The following EVC2 variants were observed in gnomAD, a reference collection of about 807,000 sequenced individuals.
The protein encoded by EVC2 is EvC ciliary complex subunit 2, also known as limbin.
Under a neutral mutation model 149.3 loss-of-function variants are expected in EVC2, and 148 were observed. The ratio of observed to expected loss-of-function variants is 0.99; its 90% CI spans 0.87 to 1.14. The LOEUF is 1.14. Among genes scored for constraint, EVC2 ranks in the 50% most tolerant of loss-of-function variants. EVC2 has a pLI of 0.00. For missense variants in EVC2, 1,854 were observed against 1,627.3 expected, an observed-to-expected ratio of 1.14 and a Z score of -2.40; for synonymous variants, 776 against 649.9, an observed-to-expected ratio of 1.19 and a Z score of -2.95.
At chr4:5,685,596 C>T (rs1450785383) in intron 5 of EVC2, 117 bp from the exon 6 acceptor site, 7 of 789,222 alleles carry the variant, frequency 8.9e-6, no homozygotes, top group East Asian at 2.6e-5. Flanking sequence ...GGGAGGCCAC[C>T]ATGGCAGTGA....
At chr4:5,568,382 A>T in intron 20 of EVC2, 62 bp downstream of exon 20, 1 of 1,477,768 alleles carries the variant, frequency 6.8e-7, no homozygotes. Context: ...GACCTTGAGG[A>T]CTCATGGGGA....
In EVC2 at chr4:5,640,739, G is replaced by C. The variant is rs747208576; in HGVS notation, c.1245C>G (p.Thr415=). 3.1e-6 allele frequency: 5 copies of C among 1,614,122 alleles called. No homozygotes were observed. Among genetic ancestry groups the C allele is most frequent in the Non-Finnish European group, 4.2e-6 (5 of 1,180,024 alleles). The change falls in exon 10 of 22, where the codon ACC becomes ACG. Residue 415 remains threonine (T), a synonymous_variant. Transcript: ENST00000344408. The surrounding 1 kb of genome is among the most constrained non-coding windows in gnomAD (Gnocchi z 4.6). ...DIIALLLKNL[T]SSGHLSPQVE... ...CTTGGGGTGAGAGGTGGCCACTGCT[G>C]GTGAGATTTTTCAGCAGAAGGGCAA...
intron 7 of EVC2, among the ~76,000 whole-genome samples, chr4:5,673,704 A>C (rs1719813708): frequency 6.6e-6 from 1 of 152,230 alleles, no homozygotes; most frequent in Non-Finnish European, 1.5e-5. Context: ...GATGCTGGAT[A>C]AACAGGCCTT....
In EVC2 at chr4:5,670,031, G is replaced by A. The variant is rs1212692558; in HGVS notation, c.871-4382C>T. Among the ~76,000 whole-genome samples, 1 of 152,110 alleles carries A rather than the reference G, an allele frequency of 6.6e-6. No homozygotes were observed. The highest frequency in any genetic ancestry group is 1.5e-5 in the Non-Finnish European group (1 of 68,016). On this transcript the variant is annotated intron_variant, in intron 7 of 21. Coordinates refer to ENST00000344408, the MANE Select transcript of EVC2 (RefSeq NM_147127.5). The surrounding 1 kb of genome is among the most constrained non-coding windows in gnomAD (Gnocchi z 5.2). Reference sequence around the variant, plus strand: ...TGACCCTCATTTTCTTCATTTATCTGTGTTGTTAAATTATGCTAGGTCCTG... The same window carrying A: ...TGACCCTCATTTTCTTCATTTATCTATGTTGTTAAATTATGCTAGGTCCTG...
chr4:5,665,483 C>T (rs758765238), intron 8 of EVC2, 32 bp downstream of exon 8: 10 of 1,613,738 alleles, frequency 6.2e-6, no homozygotes, highest in Non-Finnish European at 8.5e-6. Context: ...TCACATTCAC[C>T]ACCTTCCAAA....
chr4:5,650,660 G>GAGAGAGAA (rs1353097556), intron 9 of EVC2, among the ~76,000 whole-genome samples: 1 of 143,278 alleles, frequency 7.0e-6, no homozygotes, highest in Non-Finnish European at 1.5e-5. Flanking sequence ...GAGAGAGAGA[G>GAGAGAGAA]AGAGAGAGAG....
intron 9 of EVC2, among the ~76,000 whole-genome samples, chr4:5,653,627 T>C (rs796644415): frequency 6.6e-6 from 1 of 152,358 alleles, no homozygotes; most frequent in African/African-American, 2.4e-5. Context: ...CTGAACAGAC[T>C]GTGAACTTTA....
At chr4:5,542,341 G>C (rs538281155), downstream of EVC2, among the ~76,000 whole-genome samples, 18 of 152,336 alleles carry the variant, frequency 1.2e-4, no homozygotes, top group African/African-American at 4.3e-4. Flanking sequence ...TGTGGTCCCA[G>C]CTACTCAGGA....
intron 1 of EVC2, among the ~76,000 whole-genome samples, chr4:5,698,391 T>C (rs182681156): frequency 1.3e-5 from 2 of 152,262 alleles, no homozygotes; most frequent in African/African-American, 2.4e-5. Flanking sequence ...GAACCATTTA[T>C]TCACTGTGTG....
At chr4:5,654,731 G>T (rs572386820) in intron 9 of EVC2, among the ~76,000 whole-genome samples, 1 of 152,330 alleles carries the variant, frequency 6.6e-6, no homozygotes, top group African/African-American at 2.4e-5. Context: ...GTCCAGGGGT[G>T]TAAGGACACA....
chr4:5,596,438 G>C (rs1391310632), intron 16 of EVC2, among the ~76,000 whole-genome samples: 1 of 152,052 alleles, frequency 6.6e-6, no homozygotes. Context: ...CTCAACTACA[G>C]GGAAACTGAA....
At chr4:5,656,083 T>C (rs1241768137) in intron 9 of EVC2, among the ~76,000 whole-genome samples, 2 of 152,164 alleles carry the variant, frequency 1.3e-5, no homozygotes, top group Non-Finnish European at 2.9e-5. Flanking sequence ...TCTTCCCTCT[T>C]TGTGAGTCTC....
rs1715093075 is a variant in EVC2, at chr4:5,614,562, C to T, written c.2829+860G>A. Among the ~76,000 whole-genome samples, 1 of 152,134 alleles carries T rather than the reference C, an allele frequency of 6.6e-6. No individual in the cohort carries two copies. The highest frequency in any genetic ancestry group is 6.5e-5 in the Admixed American group (1 of 15,278). Reference sequence around the variant, plus strand: ...CAAGAGCTGAGGGAACACCTCAGGACAGCAAGGACACAAGTTATTTATCCA... The same window carrying T: ...CAAGAGCTGAGGGAACACCTCAGGATAGCAAGGACACAAGTTATTTATCCA... On this transcript the variant is annotated intron_variant, in intron 16 of 21. Coordinates refer to ENST00000344408, the MANE Select transcript of EVC2 (RefSeq NM_147127.5). The surrounding 1 kb of genome is among the most constrained non-coding windows in gnomAD (Gnocchi z 4.7).
At chr4:5,568,147 G>A (rs932411734) in intron 20 of EVC2, among the ~76,000 whole-genome samples, 11 of 152,122 alleles carry the variant, frequency 7.2e-5, no homozygotes, top group Non-Finnish European at 1.3e-4. Context: ...ACATTCTGGA[G>A]GAAGAAATGT....
At chr4:5,642,096 CT>C (rs1381947807) in intron 9 of EVC2, among the ~76,000 whole-genome samples, 45 of 152,088 alleles carry the variant, frequency 3.0e-4, no homozygotes, top group Admixed American at 1.1e-3. Flanking sequence ...ATCCATGTCC[CT>C]GCAAAGCATA....
In EVC2 at chr4:5,584,725, GT is replaced by G. The variant is rs2108788549; in HGVS notation, c.2954del (p.Tyr985SerfsTer15). The stretch of plus-strand genomic sequence containing the variant: ...AGTCCTGGATGCTGAGGAGGGCGGT[GT>G]AGGCCGACAGAGTCTCGGTCACCCG... ...ASRVTETLSA[Y>X]TALLSIQDLL... is the part of the protein sequence containing the mutation. On this transcript the variant is annotated frameshift_variant, in exon 17 of 22. Coordinates refer to ENST00000344408, the MANE Select transcript of EVC2 (RefSeq NM_147127.5). LOFTEE classifies it high-confidence loss of function. 2 of 1,614,190 alleles carry G rather than the reference GT, an allele frequency of 1.2e-6. No individual in the cohort carries two copies. The highest frequency in any genetic ancestry group is 1.7e-6 in the Non-Finnish European group (2 of 1,180,034).
downstream of EVC2, among the ~76,000 whole-genome samples, chr4:5,557,731 G>A (rs1027538613): frequency 6.6e-6 from 1 of 151,988 alleles, no homozygotes; most frequent in South Asian, 2.1e-4. Flanking sequence ...CAGGATACAA[G>A]GTTAATATTC....
intron 16 of EVC2, among the ~76,000 whole-genome samples, chr4:5,609,833 G>T (rs985609525): frequency 6.6e-6 from 1 of 152,184 alleles, no homozygotes; most frequent in South Asian, 2.1e-4. Context: ...TCTGCTTCCC[G>T]TGCTGGGTCT....
intron 9 of EVC2, among the ~76,000 whole-genome samples, chr4:5,659,110 G>C (rs1020649964): frequency 3.3e-5 from 5 of 152,188 alleles, no homozygotes; most frequent in African/African-American, 1.2e-4. Flanking sequence ...AATGCTCTTT[G>C]TCAAAAATAA....
Sources: allele counts gnomAD v4.1 joint callset (sites outside exome capture counted in the v4.1 genomes callset), GRCh38; gene constraint gnomAD v4.1.1; non-coding constraint Gnocchi (gnomAD v3.1); transcripts MANE v1.5; gene names NCBI Gene and HGNC (gene_info 2026-07-23, HGNC 2026-07-21).